Variants in NR3C1 observed in about 807,000 individuals in gnomAD.
The protein encoded by NR3C1 is glucocorticoid receptor.
NR3C1 carries 14 observed loss-of-function variants against 74.0 expected under a neutral mutation model. That is an observed-to-expected ratio of 0.19 (90% CI 0.12 to 0.30). NR3C1 has a LOEUF of 0.30. Ranked by LOEUF, NR3C1 falls within the 10% of genes least tolerant of loss-of-function variation. NR3C1 has a pLI of 1.00. For synonymous variants in NR3C1, 308 were observed against 332.5 expected (o/e 0.93, Z 0.80); for missense variants, 695 against 909.8 (o/e 0.76, Z 3.04).
chr5:143,281,756 G>T lies in NR3C1; in HGVS notation c.*133C>A. 1.0e-6 allele frequency: 1 copy of T among 959,050 alleles called. No individual in the cohort carries two copies. Among genetic ancestry groups the T allele is most frequent in the Non-Finnish European group, 1.6e-6 (1 of 634,506 alleles). 59.4% of individuals were successfully genotyped at this position (959,050 alleles called of 1,614,324 possible). On this transcript the variant is annotated 3_prime_UTR_variant, in exon 9 of 9. Transcript: ENST00000394464. ...GCCCTCTATAAACCACATGTAGTGCGTATTTAAAACAAAACAACAGATGAA... is the reference window on the plus strand; with the variant it reads ...GCCCTCTATAAACCACATGTAGTGCTTATTTAAAACAAAACAACAGATGAA...
At chr5:143,365,651 CTATG>C (rs1833054868) in intron 2 of NR3C1, among the ~76,000 whole-genome samples, 1 of 152,170 alleles carries the variant, frequency 6.6e-6, no homozygotes, top group South Asian at 2.1e-4. Context: ...TTGAACAGAA[CTATG>C]TACCAACACA....
chr5:143,311,067 T>C (rs1820842741), intron 3 of NR3C1, among the ~76,000 whole-genome samples: 1 of 152,194 alleles, frequency 6.6e-6, no homozygotes, highest in Non-Finnish European at 1.5e-5. Flanking sequence ...ATAATTCACC[T>C]TTGTTCAGAG....
intron 1 of NR3C1, among the ~76,000 whole-genome samples, chr5:143,433,452 T>TCA (rs1751948010): frequency 8.4e-6 from 1 of 119,696 alleles, no homozygotes; most frequent in Non-Finnish European, 1.7e-5. Flanking sequence ...TTTATTTAAA[T>TCA]TATATATATA....
chr5:143,402,507 C>A (rs1389094939), intron 1 of NR3C1: 23 of 790,686 alleles, frequency 2.9e-5, no homozygotes, highest in Non-Finnish European at 3.5e-5. Flanking sequence ...AAACCTCAGG[C>A]GCGAATTAAC....
chr5:143,367,365 C>A (rs1833427028), intron 2 of NR3C1, among the ~76,000 whole-genome samples: 2 of 152,192 alleles, frequency 1.3e-5, no homozygotes, highest in Non-Finnish European at 2.9e-5. Flanking sequence ...GATGCTCATT[C>A]TCACCACTGC....
At chr5:143,396,983 A>C (rs1839326870) in intron 2 of NR3C1, among the ~76,000 whole-genome samples, 1 of 151,874 alleles carries the variant, frequency 6.6e-6, no homozygotes, top group Non-Finnish European at 1.5e-5. Flanking sequence ...AGTTAGAATG[A>C]CTAGTTTGTT....
intron 1 of NR3C1, among the ~76,000 whole-genome samples, chr5:143,428,827 C>T (rs1414712054): frequency 1.3e-5 from 2 of 152,246 alleles, no homozygotes; most frequent in South Asian, 2.1e-4. Flanking sequence ...CCCTAAAAAT[C>T]CCCACTGTTT....
At chr5:143,397,034 T>A (rs891253560) in intron 2 of NR3C1, among the ~76,000 whole-genome samples, 3 of 151,874 alleles carry the variant, frequency 2.0e-5, no homozygotes, top group African/African-American at 7.2e-5. Context: ...TTTCTCTTGT[T>A]TTACTATAAA....
At position 143,282,048 on chromosome 5, in the gene NR3C1, G is replaced by A. The variant is rs201764116; in HGVS notation, c.2182-7C>T. 55 of 1,613,326 alleles carry A rather than the reference G, an allele frequency of 3.4e-5. No individual in the cohort carries two copies. The highest frequency in any genetic ancestry group is 3.6e-5 in the Non-Finnish European group (42 of 1,179,672). ...TAAGGAGATTTTCAACCACCTGCAA[G>A]AGAAGATATGGTAATGATCAGGCTT... On this transcript the variant is annotated splice_polypyrimidine_tract_variant and splice_region_variant and intron_variant, in intron 8 of 8. Transcript: ENST00000394464.
chr5:143,286,664 C>T (rs764384141), intron 7 of NR3C1, among the ~76,000 whole-genome samples: 1 of 152,080 alleles, frequency 6.6e-6, no homozygotes, highest in Non-Finnish European at 1.5e-5. Context: ...CCATACCAAG[C>T]TCTGGCAAGG....
chr5:143,422,534 G>C lies in NR3C1; in HGVS notation c.-14+11998C>G, dbSNP rs545524582. Among the ~76,000 whole-genome samples the C allele has an allele frequency of 3.3e-5, 5 of 152,206 alleles. No homozygotes were observed. The South Asian group carries it at 1.0e-3, about 32-fold the overall frequency. On this transcript the variant is annotated intron_variant, in intron 1 of 8. Transcript: ENST00000343796. ...GGTGGAACCTTTGGGAGGTGATTTG[G>C]TCATGAGGGCAGAGCCCTCATGAAT... is the stretch of plus-strand genomic sequence containing the variant.
intron 2 of NR3C1, among the ~76,000 whole-genome samples, chr5:143,390,233 GT>G (rs1362084004): frequency 6.6e-6 from 1 of 151,938 alleles, no homozygotes; most frequent in Non-Finnish European, 1.5e-5. Context: ...AATCGCAGAG[GT>G]TTTTTTCAGG....
intron 7 of NR3C1, among the ~76,000 whole-genome samples, chr5:143,292,790 T>C (rs751834216): frequency 2.0e-5 from 3 of 152,176 alleles, no homozygotes; most frequent in Non-Finnish European, 4.4e-5. Flanking sequence ...ATAGTCTTCC[T>C]GGCTTCAGTG....
chr5:143,323,994 G>A (rs970815749), intron 2 of NR3C1, among the ~76,000 whole-genome samples: 8 of 151,998 alleles, frequency 5.3e-5, no homozygotes, highest in South Asian at 2.1e-4. Context: ...GGGCAGCTCC[G>A]CCCCTGTGAC....
At chr5:143,334,312 G>A (rs1207628635) in intron 2 of NR3C1, among the ~76,000 whole-genome samples, 2 of 152,078 alleles carry the variant, frequency 1.3e-5, no homozygotes, top group Non-Finnish European at 2.9e-5. Context: ...AACCTGGGAG[G>A]TGGAAGTTGC....
chr5:143,408,873 CA>C (rs1344654500), intron 1 of NR3C1: 11 of 152,186 alleles, frequency 7.2e-5, no homozygotes, highest in Admixed American at 2.0e-4. Flanking sequence ...CCTGCCCCCA[CA>C]CCAGTCTTTT....
chr5:143,376,611 G>T (rs574934777), intron 2 of NR3C1, among the ~76,000 whole-genome samples: 7 of 152,276 alleles, frequency 4.6e-5, no homozygotes, highest in African/African-American at 1.4e-4. Context: ...CTTGGCAACA[G>T]AATTTATTGG....
intron 1 of NR3C1, among the ~76,000 whole-genome samples, chr5:143,430,335 C>G (rs1487239722): frequency 5.9e-5 from 9 of 152,030 alleles, no homozygotes; most frequent in Admixed American, 5.9e-4. Context: ...AAAATATTTA[C>G]CATGGATATC....
intron 3 of NR3C1, among the ~76,000 whole-genome samples, chr5:143,312,288 T>A (rs1270196505): frequency 2.0e-5 from 3 of 152,136 alleles, no homozygotes; most frequent in Non-Finnish European, 4.4e-5. Context: ...CAATAAAATA[T>A]GGCAGAAGTG....
Sources: gnomAD v4.1 joint callset for allele counts (sites outside exome capture counted in the v4.1 genomes callset) on GRCh38, gnomAD v4.1.1 for gene constraint, MANE v1.5 for transcripts, NCBI Gene and HGNC (gene_info 2026-07-23, HGNC 2026-07-21) for gene names.